SSU72: variants seen among roughly 807,000 people sequenced by gnomAD.
The protein encoded by SSU72 is SSU72 homolog, RNA polymerase II CTD phosphatase.
Under a neutral mutation model 22.7 loss-of-function variants are expected in SSU72, and 12 were observed. That is an observed-to-expected ratio of 0.53 (90% CI 0.34 to 0.86). The LOEUF (loss-of-function observed/expected upper bound fraction) is 0.86. Ranked by LOEUF, SSU72 falls within the 40% of genes least tolerant of loss-of-function variation. The pLI, the probability that SSU72 is intolerant of heterozygous loss-of-function variation, is 0.02. For synonymous variants in SSU72, 116 were observed against 98.3 expected, an observed-to-expected ratio of 1.18 and a Z score of -1.06; for missense variants, 151 against 249.8, an observed-to-expected ratio of 0.60 and a Z score of 2.67.
intron 2 of SSU72, among the ~76,000 whole-genome samples, chr1:1,552,958 T>C (rs1402575882): frequency 6.7e-6 from 1 of 148,424 alleles, no homozygotes; most frequent in East Asian, 2.0e-4. Context: ...GAGGCGGAGG[T>C]TGCAGTGAGC....
chr1:1,544,639 C>T (rs936803538), intron 3 of SSU72: 3 of 602,154 alleles, frequency 5.0e-6, no homozygotes, highest in African/African-American at 1.9e-5. Flanking sequence ...AAAAAAACAC[C>T]AAGGAGAAAA....
At chr1:1,574,399 G>A in intron 1 of SSU72, 79 bp downstream of exon 1, 3 of 1,457,298 alleles carry the variant, frequency 2.1e-6, no homozygotes, top group Non-Finnish European at 2.8e-6. Context: ...GGGTCCTGGC[G>A]CGGGCCAGGG....
chr1:1,570,386 C>A (rs1434119680), intron 1 of SSU72, among the ~76,000 whole-genome samples: 1 of 151,816 alleles, frequency 6.6e-6, no homozygotes, highest in Non-Finnish European at 1.5e-5. Context: ...CCCTGCCGAC[C>A]AGAGGCCAGG....
chr1:1,574,188 C>A (rs901998623), intron 1 of SSU72, among the ~76,000 whole-genome samples: 1 of 152,200 alleles, frequency 6.6e-6, no homozygotes, highest in Admixed American at 6.5e-5. Flanking sequence ...GCCGCCGCCG[C>A]GCAGCCCCTC....
chr1:1,572,154 G>A (rs999094658), intron 1 of SSU72, among the ~76,000 whole-genome samples: 3 of 148,738 alleles, frequency 2.0e-5, no homozygotes, highest in Non-Finnish European at 4.5e-5. Context: ...CTTGCCAGGC[G>A]CAGTAGCTCA....
At chr1:1,544,713 G>T in intron 3 of SSU72, 150 bp downstream of exon 3, 3 of 1,089,264 alleles carry the variant, frequency 2.8e-6, no homozygotes, top group Non-Finnish European at 4.1e-6. Flanking sequence ...CAGCGGCCCT[G>T]CCTGCCTTCC....
chr1:1,544,288 C>G (rs1057333839), intron 3 of SSU72, among the ~76,000 whole-genome samples: 1 of 152,014 alleles, frequency 6.6e-6, no homozygotes, highest in Non-Finnish European at 1.5e-5. Flanking sequence ...GACCAGCCCT[C>G]CCTGCTCCAC....
intron 2 of SSU72, among the ~76,000 whole-genome samples, chr1:1,553,559 A>G (rs929763157): frequency 2.0e-5 from 3 of 150,254 alleles, no homozygotes; most frequent in African/African-American, 7.3e-5. Flanking sequence ...GCAGATCATA[A>G]GGTCAGGAGA....
chr1:1,572,876 T>TGG (rs1557508288), intron 1 of SSU72, among the ~76,000 whole-genome samples: 4 of 35,404 alleles, frequency 1.1e-4, no homozygotes, highest in Admixed American at 8.7e-4. Flanking sequence ...TAATTTTGTC[T>TGG]TGGGGGGGGG....
chr1:1,567,906 CTG>C (rs1224610939), intron 1 of SSU72, among the ~76,000 whole-genome samples: 1 of 48,884 alleles, frequency 2.0e-5, no homozygotes, highest in Non-Finnish European at 2.9e-5. Context: ...GAGCGATACT[CTG>C]TTTCAAAAAA....
At chr1:1,547,417 A>T (rs529275987) in intron 2 of SSU72, among the ~76,000 whole-genome samples, 54 of 152,354 alleles carry the variant, frequency 3.5e-4, no homozygotes, top group South Asian at 1.4e-3. Flanking sequence ...TCAGGGACAA[A>T]GCAGCAGCCT....
At chr1:1,557,709 A>G (rs1346514415) in intron 2 of SSU72, among the ~76,000 whole-genome samples, 1 of 151,642 alleles carries the variant, frequency 6.6e-6, no homozygotes, top group African/African-American at 2.4e-5. Flanking sequence ...GAGGCAGGAG[A>G]ATCGCTTGAA....
chr1:1,561,764 T>C (rs969075234), intron 2 of SSU72: 1 of 152,156 alleles, frequency 6.6e-6, no homozygotes, highest in Non-Finnish European at 1.5e-5. Context: ...TGCCCCCACC[T>C]AGGGGGCAAA....
intron 3 of SSU72, chr1:1,544,552 AG>A (rs1008928513): frequency 9.4e-5 from 36 of 382,208 alleles, no homozygotes; most frequent in Non-Finnish European, 1.5e-4. Flanking sequence ...CGGGAGGCAG[AG>A]GTTGCAGTGA....
At chr1:1,543,148 G>A (rs1642345401) in intron 4 of SSU72, among the ~76,000 whole-genome samples, 1 of 152,258 alleles carries the variant, frequency 6.6e-6, no homozygotes, top group Non-Finnish European at 1.5e-5. Context: ...GCAGCAGGGT[G>A]GCTACAGAAG....
At chr1:1,551,853 G>A (rs1321260987) in intron 2 of SSU72, among the ~76,000 whole-genome samples, 3 of 152,096 alleles carry the variant, frequency 2.0e-5, no homozygotes, top group Non-Finnish European at 4.4e-5. Context: ...GCAGGGCCAC[G>A]CCGGGCCACC....
chr1:1,546,873 A>C lies in SSU72; in HGVS notation c.225-1871T>G, dbSNP rs1430243268. ...CAACAACAACAACAAAAAAAAAAAA[A>C]AAAAAAAAAAAGGCCGGGCGCGGTG... On this transcript the variant is annotated intron_variant, in intron 2 of 4. Coordinates refer to ENST00000291386, the MANE Select transcript of SSU72 (RefSeq NM_014188.3). Among the ~76,000 whole-genome samples, 617 of 147,364 alleles carry C rather than the reference A, an allele frequency of 4.2e-3. 6 individuals are homozygous for C. Among genetic ancestry groups the C allele is most frequent in the African/African-American group, 0.015 (579 of 39,354 alleles).
intron 2 of SSU72, chr1:1,561,334 C>G (rs961584317): frequency 6.6e-6 from 1 of 152,210 alleles, no homozygotes; most frequent in African/African-American, 2.4e-5. Flanking sequence ...CCACCCACCT[C>G]GGCCTCCCAA....
intron 2 of SSU72, chr1:1,564,515 C>G (rs1046908): frequency 1.3e-6 from 2 of 1,523,238 alleles, no homozygotes; most frequent in Admixed American, 2.0e-5. Flanking sequence ...CGCTATGTCA[C>G]GACCCTCTGC....
Sources: gnomAD v4.1 joint callset for allele counts (sites outside exome capture counted in the v4.1 genomes callset) on GRCh38, gnomAD v4.1.1 for gene constraint, MANE v1.5 for transcripts, NCBI Gene and HGNC (gene_info 2026-07-23, HGNC 2026-07-21) for gene names.